DPP6: variants seen among roughly 807,000 people sequenced by gnomAD.
DPP6 encodes dipeptidyl peptidase like 6.
A neutral mutation model predicts 122.6 loss-of-function variants in DPP6; 69 were observed. The observed-to-expected ratio is 0.56, with a 90% CI of 0.46 to 0.69. DPP6 has a LOEUF of 0.69. Ranked by LOEUF, DPP6 falls within the 30% of genes least tolerant of loss-of-function variation. The pLI is 0.00. For synonymous variants in DPP6, 418 were observed against 433.1 expected, an observed-to-expected ratio of 0.97 and a Z score of 0.43; for missense variants, 928 against 1,116.9, an observed-to-expected ratio of 0.83 and a Z score of 2.41.
intron 1 of DPP6, among the ~76,000 whole-genome samples, chr7:154,174,182 C>T (rs1452967199): frequency 6.6e-6 from 1 of 152,246 alleles, no homozygotes; most frequent in Non-Finnish European, 1.5e-5. Flanking sequence ...AGCTCCACCA[C>T]GCACTAGCTG....
intron 1 of DPP6, among the ~76,000 whole-genome samples, chr7:154,149,862 C>T (rs1262578759): frequency 2.0e-5 from 3 of 152,136 alleles, no homozygotes; most frequent in Non-Finnish European, 2.9e-5. Flanking sequence ...GTGGTACCCT[C>T]CCCCGCCCCC....
chr7:154,733,761 G>C (rs1302322239), intron 8 of DPP6, among the ~76,000 whole-genome samples: 1 of 152,148 alleles, frequency 6.6e-6, no homozygotes, highest in Non-Finnish European at 1.5e-5. Flanking sequence ...GGTTTTCAGG[G>C]TCTGTTTTCC....
chr7:154,755,816 C>T lies in DPP6; in HGVS notation c.884-13601C>T, dbSNP rs1843635079. On this transcript the variant is annotated intron_variant, in intron 8 of 25. Transcript: ENST00000377770. This position sits in a 1 kb window ranked among gnomAD's most constrained non-coding sequence, Gnocchi z 4.7. The stretch of plus-strand genomic sequence containing the variant: ...TGGGTTGGAAGAGGTCGGAGTGGGG[C>T]GCGTCCCAGGTCGGGAATGTTAGGA... Among the ~76,000 whole-genome samples the T allele has an allele frequency of 6.6e-6, 1 of 152,184 alleles. No homozygotes were observed. The highest frequency in any genetic ancestry group is 6.5e-5 in the Admixed American group (1 of 15,282).
intron 3 of DPP6, among the ~76,000 whole-genome samples, chr7:154,522,340 C>T (rs1563799667): frequency 1.3e-5 from 2 of 152,174 alleles, no homozygotes; most frequent in Non-Finnish European, 2.9e-5. Flanking sequence ...GGTTATCCCG[C>T]CACGTATGTT....
intron 1 of DPP6, among the ~76,000 whole-genome samples, chr7:154,396,451 G>A (rs920435538): frequency 1.3e-5 from 2 of 152,204 alleles, no homozygotes; most frequent in Non-Finnish European, 1.5e-5. Flanking sequence ...AGGGAAATAA[G>A]TATAATGATC....
At chr7:153,833,243 A>T in the DPP6 span, among the ~76,000 whole-genome samples, 2 of 152,234 alleles carry the variant, frequency 1.3e-5, no homozygotes, top group Non-Finnish European at 2.9e-5. Flanking sequence ...TAATCTCCTA[A>T]ATAGATCTCC....
chr7:154,684,705 A>G lies in DPP6; in HGVS notation c.762+15264A>G, dbSNP rs189628372. ...ACCAGTTTCTAGTTACCCTTCAGAT[A>G]AAAAGGTTATGATTGCACGTACATG... On this transcript the variant is annotated intron_variant, in intron 7 of 25. Coordinates refer to ENST00000377770, the MANE Select transcript of DPP6 (RefSeq NM_130797.4). Among the ~76,000 whole-genome samples, 596 of 152,286 alleles carry G rather than the reference A, an allele frequency of 3.9e-3. 7 individuals carry two copies. The highest frequency in any genetic ancestry group is 4.8e-3 in the South Asian group (23 of 4,832).
intron 1 of DPP6, among the ~76,000 whole-genome samples, chr7:154,347,235 A>G (rs1178003014): frequency 6.6e-6 from 1 of 152,238 alleles, no homozygotes; most frequent in Non-Finnish European, 1.5e-5. Context: ...CACAGAGACT[A>G]CCAACTCTCG....
chr7:153,822,443 G>A, the DPP6 span, among the ~76,000 whole-genome samples: 4 of 152,010 alleles, frequency 2.6e-5, no homozygotes, highest in African/African-American at 7.2e-5. Context: ...TGCCCACCTC[G>A]GCCTCCCACA....
chr7:153,757,799 A>G, the DPP6 span, among the ~76,000 whole-genome samples: 1 of 152,184 alleles, frequency 6.6e-6, no homozygotes, highest in Non-Finnish European at 1.5e-5. Flanking sequence ...CTCTACTAAA[A>G]TACAAAAATT....
At chr7:153,937,430 G>T (rs1801501838) in intron 1 of DPP6, among the ~76,000 whole-genome samples, 1 of 141,672 alleles carries the variant, frequency 7.1e-6, no homozygotes, top group African/African-American at 2.6e-5. Flanking sequence ...TCCCTCTTCA[G>T]AGCTAACTTT....
intron 2 of DPP6, among the ~76,000 whole-genome samples, chr7:154,470,671 C>A (rs918692678): frequency 1.3e-5 from 2 of 152,170 alleles, no homozygotes; most frequent in African/African-American, 4.8e-5. Context: ...TACATCACTG[C>A]AGATTTCAGC....
At chr7:153,784,945 T>C in the DPP6 span, among the ~76,000 whole-genome samples, 56 of 152,384 alleles carry the variant, frequency 3.7e-4, 1 homozygote, top group East Asian at 9.8e-3. Context: ...AGCATTTAGC[T>C]AATTCCCAAT....
At chr7:154,242,507 A>G (rs146484937) in intron 1 of DPP6, among the ~76,000 whole-genome samples, 3 of 152,356 alleles carry the variant, frequency 2.0e-5, no homozygotes, top group South Asian at 2.1e-4. Context: ...TCCTCCTGGC[A>G]TAAACAACTC....
chr7:153,893,330 GAACCCTCTGTGCTATTACC>G (rs1799284611), intron 1 of DPP6, among the ~76,000 whole-genome samples: 1 of 152,152 alleles, frequency 6.6e-6, no homozygotes, highest in South Asian at 2.1e-4. Flanking sequence ...TTTGGACTTT[GAACCCTCTGTGCTATTACC>G]AAGAGGTGTG....
At chr7:154,259,103 C>G (rs1585762590) in intron 1 of DPP6, among the ~76,000 whole-genome samples, 2 of 152,294 alleles carry the variant, frequency 1.3e-5, no homozygotes, top group Middle Eastern at 6.8e-3. Flanking sequence ...GCAGTGGCAG[C>G]TTGATGGTGT....
the DPP6 span, among the ~76,000 whole-genome samples, chr7:153,782,768 A>G: frequency 6.6e-6 from 1 of 152,108 alleles, no homozygotes; most frequent in African/African-American, 2.4e-5. Flanking sequence ...TCAAGAATGG[A>G]GATAGATTCA....
chr7:154,500,293 G>A (rs1027169771), intron 3 of DPP6, among the ~76,000 whole-genome samples: 38 of 152,156 alleles, frequency 2.5e-4, no homozygotes, highest in Non-Finnish European at 1.5e-4. Context: ...ACATTGAATT[G>A]CACACTGTAA....
At chr7:154,693,911 G>T (rs1840070992) in intron 7 of DPP6, among the ~76,000 whole-genome samples, 1 of 152,188 alleles carries the variant, frequency 6.6e-6, no homozygotes, top group African/African-American at 2.4e-5. Context: ...ATAGATGCAT[G>T]CATACATGTG....
Sources: allele counts gnomAD v4.1 joint callset (sites outside exome capture counted in the v4.1 genomes callset), GRCh38; gene constraint gnomAD v4.1.1; non-coding constraint Gnocchi (gnomAD v3.1); transcripts MANE v1.5; gene names NCBI Gene and HGNC (gene_info 2026-07-23, HGNC 2026-07-21).